OCA2: variants seen among roughly 807,000 people sequenced by gnomAD.
OCA2 encodes OCA2 melanosomal transmembrane protein.
A neutral mutation model predicts 100.2 loss-of-function variants in OCA2; 77 were observed. That is an observed-to-expected ratio of 0.77 (90% CI 0.64 to 0.93). OCA2 has a LOEUF of 0.93. Ranked by LOEUF, OCA2 falls within the 40% of genes least tolerant of loss-of-function variation. The pLI, the probability that OCA2 is intolerant of heterozygous loss-of-function variation, is 0.00. For synonymous variants in OCA2, 432 were observed against 439.2 expected (o/e 0.98, Z 0.21); for missense variants, 1,062 against 1,089.1 (o/e 0.98, Z 0.35).
chr15:28,022,369 T>C, intron 6 of OCA2, 132 bp downstream of exon 6: 2 of 685,894 alleles, frequency 2.9e-6, no homozygotes, highest in East Asian at 3.0e-5. Flanking sequence ...TCAGACATCC[T>C]GGAGAAACAA....
intron 2 of OCA2, among the ~76,000 whole-genome samples, chr15:28,074,365 C>T (rs2044359430): frequency 6.6e-6 from 1 of 152,000 alleles, no homozygotes. Context: ...TAGTGAAACC[C>T]CGTCTCTACT....
At chr15:27,772,810 C>T (rs930478339) in intron 23 of OCA2, among the ~76,000 whole-genome samples, 19 of 147,192 alleles carry the variant, frequency 1.3e-4, no homozygotes, top group African/African-American at 4.8e-4. Flanking sequence ...CACTGCACTC[C>T]AGCCTGCGTG....
intron 22 of OCA2, among the ~76,000 whole-genome samples, chr15:27,847,204 C>T (rs962033860): frequency 2.2e-4 from 33 of 152,214 alleles, no homozygotes; most frequent in African/African-American, 6.0e-4. Flanking sequence ...GAATGCTTTA[C>T]GGGCAACAGA....
chr15:28,074,601 G>T (rs2044370042), intron 2 of OCA2, among the ~76,000 whole-genome samples: 1 of 149,764 alleles, frequency 6.7e-6, no homozygotes. Flanking sequence ...GTGAACCCGG[G>T]AAGCGGAGCT....
chr15:27,865,570 C>T (rs977401875), intron 21 of OCA2, among the ~76,000 whole-genome samples: 1 of 152,220 alleles, frequency 6.6e-6, no homozygotes, highest in Non-Finnish European at 1.5e-5. Flanking sequence ...CTTTGGTCTT[C>T]TTGTCCATTC....
intron 23 of OCA2, among the ~76,000 whole-genome samples, chr15:27,756,792 C>T (rs915945669): frequency 6.6e-6 from 1 of 152,158 alleles, no homozygotes; most frequent in African/African-American, 2.4e-5. Flanking sequence ...GTTTTAGAAG[C>T]AAATTTGCCT....
At chr15:27,960,616 C>G (rs2040376841) in intron 15 of OCA2, among the ~76,000 whole-genome samples, 3 of 151,752 alleles carry the variant, frequency 2.0e-5, no homozygotes, top group East Asian at 1.9e-4. Flanking sequence ...ATCTATCTAT[C>G]TATGTATCTA....
intron 23 of OCA2, among the ~76,000 whole-genome samples, chr15:27,824,368 C>CA (rs538907516): frequency 6.7e-6 from 1 of 150,098 alleles, no homozygotes; most frequent in African/African-American, 2.5e-5. Context: ...AACTCTGTCT[C>CA]AAAAAAACAA....
At chr15:27,855,381 G>C (rs1407297664) in intron 21 of OCA2, among the ~76,000 whole-genome samples, 1 of 152,218 alleles carries the variant, frequency 6.6e-6, no homozygotes, top group Non-Finnish European at 1.5e-5. Context: ...ACACACTACA[G>C]TCTTCACAGG....
At chr15:27,810,295 G>T (rs1314039462) in intron 23 of OCA2, among the ~76,000 whole-genome samples, 2 of 152,180 alleles carry the variant, frequency 1.3e-5, no homozygotes, top group African/African-American at 2.4e-5. Flanking sequence ...GGGAAAATTG[G>T]CTAGCCAAAT....
the OCA2 span, among the ~76,000 whole-genome samples, chr15:27,743,124 G>A: frequency 6.6e-6 from 1 of 152,194 alleles, no homozygotes; most frequent in African/African-American, 2.4e-5. Context: ...TGCTTGGGAA[G>A]GGAGAACCCT....
intron 19 of OCA2, among the ~76,000 whole-genome samples, chr15:27,913,826 GAAAGAAAGAAAGGAAAGAAA>G (rs1567097432): frequency 4.7e-5 from 3 of 63,392 alleles, no homozygotes; most frequent in Non-Finnish European, 8.9e-5. Flanking sequence ...GAGAAAGAAA[GAAAGAAAGAAAGGAAAGAAA>G]GAAAGAAAGA....
In OCA2 at chr15:27,967,747, G is replaced by C. The variant is rs1338352006; in HGVS notation, c.1504-925C>G. Among the ~76,000 whole-genome samples the C allele has an allele frequency of 1.3e-5, 2 of 152,228 alleles. 1 individual carries two copies. The highest frequency in any genetic ancestry group is 4.8e-5 in the African/African-American group (2 of 41,464). On this transcript the variant is annotated intron_variant, in intron 14 of 23. Transcript: ENST00000354638. ...TTTGCCTGCCTAGGGCTCTGCACGT[G>C]GCCGGCCACTGAGGGTATCTTTAGA... is the stretch of plus-strand genomic sequence containing the variant.
At chr15:27,906,004 T>C (rs766683378) in intron 19 of OCA2, among the ~76,000 whole-genome samples, 105 of 152,132 alleles carry the variant, frequency 6.9e-4, no homozygotes, top group Non-Finnish European at 9.1e-4. Context: ...AAATAAAAAG[T>C]TGATTGAACT....
At chr15:28,090,227 A>G (rs2044848649) in intron 1 of OCA2, among the ~76,000 whole-genome samples, 1 of 152,254 alleles carries the variant, frequency 6.6e-6, no homozygotes, top group African/African-American at 2.4e-5. Context: ...CTAAAAGGAG[A>G]AAGACACATT....
chr15:28,066,716 G>A (rs1303408417), intron 2 of OCA2, among the ~76,000 whole-genome samples: 4 of 152,110 alleles, frequency 2.6e-5, no homozygotes, highest in Non-Finnish European at 5.9e-5. Flanking sequence ...TTCTGATCCT[G>A]AAGAGATTAG....
chr15:28,024,774 T>A, intron 5 of OCA2, 71 bp downstream of exon 5: 2 of 1,521,438 alleles, frequency 1.3e-6, no homozygotes, highest in Non-Finnish European at 9.1e-7. Context: ...AGGTTCCCCC[T>A]GCTATACAGC....
At chr15:27,880,914 G>A (rs766597794) in intron 19 of OCA2, among the ~76,000 whole-genome samples, 2 of 152,162 alleles carry the variant, frequency 1.3e-5, no homozygotes, top group South Asian at 2.1e-4. Context: ...TGGTGAGAGA[G>A]TGCATCCTTG....
chr15:27,991,454 T>A (rs1390972775), intron 9 of OCA2, among the ~76,000 whole-genome samples: 1 of 152,216 alleles, frequency 6.6e-6, no homozygotes, highest in Non-Finnish European at 1.5e-5. Context: ...TTAGAAGTGA[T>A]GCTGGGGAAA....
Sources: allele counts gnomAD v4.1 joint callset (sites outside exome capture counted in the v4.1 genomes callset), GRCh38; gene constraint gnomAD v4.1.1; transcripts MANE v1.5; gene names NCBI Gene and HGNC (gene_info 2026-07-23, HGNC 2026-07-21).